The following TTC29 variants were observed in gnomAD, a reference collection of about 807,000 sequenced individuals.
TTC29 encodes tetratricopeptide repeat protein 29.
Under a neutral mutation model 58.1 loss-of-function variants are expected in TTC29, and 49 were observed. That is an observed-to-expected ratio of 0.84 (90% CI 0.67 to 1.07). TTC29 has a LOEUF of 1.07. Ranked by LOEUF, TTC29 falls within the 50% of genes least tolerant of loss-of-function variation. TTC29 has a pLI of 0.00. For missense variants in TTC29, 582 were observed against 555.6 expected, an observed-to-expected ratio of 1.05 and a Z score of -0.48; for synonymous variants, 209 against 196.8, an observed-to-expected ratio of 1.06 and a Z score of -0.52.
At chr4:146,844,538 T>C (rs1200556677) in intron 8 of TTC29, among the ~76,000 whole-genome samples, 6 of 152,144 alleles carry the variant, frequency 3.9e-5, no homozygotes, top group Non-Finnish European at 7.4e-5. Context: ...ACCTTCTTTT[T>C]TTTGTTTATT....
At chr4:146,715,034 T>C (rs1436627524) in intron 11 of TTC29, among the ~76,000 whole-genome samples, 4 of 151,910 alleles carry the variant, frequency 2.6e-5, no homozygotes, top group African/African-American at 9.7e-5. Context: ...GATGGGATCT[T>C]GTTTCATTGC....
intron 8 of TTC29, among the ~76,000 whole-genome samples, chr4:146,859,379 AT>A (rs1730078717): frequency 6.6e-6 from 1 of 151,702 alleles, no homozygotes. Context: ...CTTGTTTATT[AT>A]TTTTTATTTA....
At chr4:146,908,480 A>G (rs1733674632) in intron 5 of TTC29, among the ~76,000 whole-genome samples, 1 of 152,218 alleles carries the variant, frequency 6.6e-6, no homozygotes, top group Non-Finnish European at 1.5e-5. Context: ...ATTAGAAATG[A>G]TGTCATGGAA....
At chr4:146,811,925 T>TGAACCAAC (rs1315303734) in intron 10 of TTC29, among the ~76,000 whole-genome samples, 10 of 152,220 alleles carry the variant, frequency 6.6e-5, no homozygotes, top group African/African-American at 2.4e-4. Context: ...ACTTTGTTAA[T>TGAACCAAC]TGAAACAGAG....
intron 9 of TTC29, among the ~76,000 whole-genome samples, chr4:146,833,471 AG>A (rs1174582710): frequency 6.6e-6 from 1 of 152,236 alleles, no homozygotes; most frequent in Non-Finnish European, 1.5e-5. Context: ...GGTGAGCCAC[AG>A]CCACTGAAGC....
At chr4:146,724,465 CT>C (rs1743615656) in intron 11 of TTC29, among the ~76,000 whole-genome samples, 1 of 152,066 alleles carries the variant, frequency 6.6e-6, no homozygotes, top group African/African-American at 2.4e-5. Flanking sequence ...AAAGTCTAAA[CT>C]TTTAGTCACA....
intron 11 of TTC29, among the ~76,000 whole-genome samples, chr4:146,720,530 A>T (rs971878514): frequency 6.6e-5 from 10 of 152,302 alleles, no homozygotes; most frequent in Non-Finnish European, 1.3e-4. Context: ...GTCATAAAAA[A>T]TAGATAAAAC....
At chr4:146,903,425 A>G (rs1579949952) in intron 6 of TTC29, 119 bp downstream of exon 6, 2 of 906,160 alleles carry the variant, frequency 2.2e-6, no homozygotes, top group East Asian at 5.7e-5. Context: ...GATCTCAATA[A>G]TATACATGAT....
chr4:146,718,186 G>C (rs1743082338), intron 11 of TTC29, among the ~76,000 whole-genome samples: 1 of 152,074 alleles, frequency 6.6e-6, no homozygotes, highest in Non-Finnish European at 1.5e-5. Context: ...AATGAACATG[G>C]GACTGCAGAC....
chr4:146,942,745 A>G lies in TTC29; in HGVS notation c.-7+2286T>C, dbSNP rs570319674. 13 of 828,240 alleles carry G rather than the reference A, an allele frequency of 1.6e-5. No individual in the cohort carries two copies. In the East Asian group the frequency reaches 3.6e-4, roughly 23 times the overall value. The allele number at this position is 828,240 out of a possible 1,614,324, so 51.3% of individuals were successfully genotyped here. On this transcript the variant is annotated intron_variant, in intron 2 of 12. Coordinates refer to ENST00000325106, the MANE Select transcript of TTC29 (RefSeq NM_031956.4). The stretch of plus-strand genomic sequence containing the variant: ...AAGTTTGCCTCATTTGGGGCATTCC[A>G]TCCTCTATAAATTTTAGACTCTTTT...
At chr4:146,865,305 A>G (rs1561200766) in intron 8 of TTC29, among the ~76,000 whole-genome samples, 1 of 152,230 alleles carries the variant, frequency 6.6e-6, no homozygotes. Flanking sequence ...CTTTACAATA[A>G]AAGTTATGTG....
At chr4:146,876,367 A>C (rs1731255580) in intron 6 of TTC29, among the ~76,000 whole-genome samples, 1 of 152,290 alleles carries the variant, frequency 6.6e-6, no homozygotes, top group Non-Finnish European at 1.5e-5. Flanking sequence ...TCCCACAAAA[A>C]CCAAAAATTA....
chr4:146,943,215 G>A (rs1327755232), intron 2 of TTC29, among the ~76,000 whole-genome samples: 9 of 107,434 alleles, frequency 8.4e-5, no homozygotes, highest in Non-Finnish European at 1.2e-4. Flanking sequence ...CTGAGTCAAC[G>A]TTTCCTACCA....
chr4:146,930,100 T>TATACACATATATATATATATACAC (rs1553942371), intron 4 of TTC29, among the ~76,000 whole-genome samples: 3 of 129,498 alleles, frequency 2.3e-5, no homozygotes, highest in African/African-American at 8.9e-5. Flanking sequence ...TATATATATA[T>TATACACATATATATATATATACAC]ATATATATAT....
intron 8 of TTC29, among the ~76,000 whole-genome samples, chr4:146,857,908 T>C (rs941058894): frequency 2.0e-5 from 3 of 152,198 alleles, no homozygotes; most frequent in African/African-American, 7.2e-5. Context: ...TTCCATTATA[T>C]AAAAATATGT....
chr4:146,830,704 G>C (rs924873804), intron 9 of TTC29, among the ~76,000 whole-genome samples: 3 of 152,130 alleles, frequency 2.0e-5, no homozygotes, highest in African/African-American at 7.2e-5. Flanking sequence ...CTTGCACGTT[G>C]CTACTAACCT....
intron 4 of TTC29, 103 bp from the exon 5 acceptor site, chr4:146,909,352 A>C: frequency 1.1e-6 from 1 of 887,518 alleles, no homozygotes. Flanking sequence ...GTTGCCTTTT[A>C]TCCCTCAGTG....
intron 11 of TTC29, among the ~76,000 whole-genome samples, chr4:146,733,436 A>C (rs182206234): frequency 3.3e-5 from 5 of 152,242 alleles, no homozygotes; most frequent in African/African-American, 7.2e-5. Flanking sequence ...AGCTTGTATG[A>C]AATAATGGCA....
At chr4:146,748,944 AAGCAAAC>A (rs1250330352) in intron 11 of TTC29, among the ~76,000 whole-genome samples, 1 of 152,236 alleles carries the variant, frequency 6.6e-6, no homozygotes, top group Non-Finnish European at 1.5e-5. Flanking sequence ...TAATGATCTT[AAGCAAAC>A]AGTAAGATAC....
Sources: allele counts gnomAD v4.1 joint callset (sites outside exome capture counted in the v4.1 genomes callset), GRCh38; gene constraint gnomAD v4.1.1; transcripts MANE v1.5; gene names NCBI Gene and HGNC (gene_info 2026-07-23, HGNC 2026-07-21).